Variants in TYW1B observed in about 807,000 individuals in gnomAD.
TYW1B encodes tRNA-yW synthesizing protein 1 homolog B, also known as S-adenosyl-L-methionine-dependent tRNA 4-demethylwyosine synthase TYW1B.
In TYW1B, 73 loss-of-function variants were observed where a neutral mutation model predicts 86.9. That is an observed-to-expected ratio of 0.84 (90% confidence interval 0.70 to 1.02). The LOEUF is 1.02. Among genes scored for constraint, TYW1B ranks in the 50% least tolerant of loss-of-function variants. TYW1B has a pLI of 0.00. For missense variants in TYW1B, 637 were observed against 827.4 expected (o/e 0.77, Z 2.82); for synonymous variants, 248 against 292.8 (o/e 0.85, Z 1.56).
At chr7:72,786,708 G>A (rs1175331920) in intron 6 of TYW1B, among the ~76,000 whole-genome samples, 14 of 151,492 alleles carry the variant, frequency 9.2e-5, no homozygotes, top group Non-Finnish European at 1.3e-4. Flanking sequence ...CCTAGCAGCT[G>A]GGATTATAGG....
At chr7:72,739,290 T>A (rs1490806984) in intron 8 of TYW1B, among the ~76,000 whole-genome samples, 5 of 152,076 alleles carry the variant, frequency 3.3e-5, no homozygotes, top group African/African-American at 1.2e-4. Context: ...AAAAAAACTC[T>A]ATAATAAGAA....
intron 3 of TYW1B, among the ~76,000 whole-genome samples, chr7:72,811,079 G>A (rs1489638011): frequency 5.3e-5 from 8 of 151,796 alleles, no homozygotes; most frequent in Non-Finnish European, 1.0e-4. Flanking sequence ...AGACCATCCT[G>A]GCTAACACGG....
chr7:72,797,065 C>T (rs1788317746), intron 6 of TYW1B, among the ~76,000 whole-genome samples: 1 of 152,106 alleles, frequency 6.6e-6, no homozygotes, highest in Non-Finnish European at 1.5e-5. Flanking sequence ...CCTCAGCCTC[C>T]CAAAGTGCTG....
At chr7:72,755,012 C>A (rs1327554255) in intron 7 of TYW1B, among the ~76,000 whole-genome samples, 3 of 152,026 alleles carry the variant, frequency 2.0e-5, no homozygotes, top group African/African-American at 7.2e-5. Context: ...TCTGATATTA[C>A]TGAAAATCAC....
chr7:72,585,237 T>C (rs1488514685), intron 13 of TYW1B, among the ~76,000 whole-genome samples: 2 of 152,194 alleles, frequency 1.3e-5, no homozygotes, highest in Admixed American at 1.3e-4. Flanking sequence ...TAAAAGTTGT[T>C]CCAGCTTTTG....
chr7:72,601,777 AAAAG>A lies in TYW1B; in HGVS notation c.1785+14891_1785+14894del, dbSNP rs1261625164. Among the ~76,000 whole-genome samples the A allele has an allele frequency of 5.3e-5, 8 of 152,072 alleles. 1 individual carries two copies. The highest frequency in any genetic ancestry group is 1.0e-4 in the Non-Finnish European group (7 of 68,006). On this transcript the variant is annotated intron_variant, in intron 13 of 13. Coordinates refer to ENST00000620995, the MANE Select transcript of TYW1B (RefSeq NM_001145440.3). ...AAAAAAAAAAAAGGTTAAAAAAAAAAAAAGAAAGAAGCCAGTTTGATAAAACTAC... is the reference window on the plus strand; with the variant it reads ...AAAAAAAAAAAAGGTTAAAAAAAAAAAAAGAAGCCAGTTTGATAAAACTAC...
At chr7:72,613,826 G>A (rs1463945954) in intron 13 of TYW1B, among the ~76,000 whole-genome samples, 11 of 152,070 alleles carry the variant, frequency 7.2e-5, no homozygotes, top group Non-Finnish European at 1.6e-4. Context: ...AATATGGATG[G>A]TAGATTAAAG....
intron 12 of TYW1B, among the ~76,000 whole-genome samples, chr7:72,624,209 A>T (rs367805829): frequency 1.3e-5 from 2 of 152,244 alleles, no homozygotes; most frequent in Admixed American, 1.3e-4. Context: ...CCTATTGAAC[A>T]GGAAAAGCAT....
chr7:72,694,288 G>A (rs1374174483), intron 11 of TYW1B, among the ~76,000 whole-genome samples: 1 of 152,138 alleles, frequency 6.6e-6, no homozygotes, highest in East Asian at 1.9e-4. Flanking sequence ...ATATAAACTT[G>A]AGCATCTGTG....
intron 13 of TYW1B, among the ~76,000 whole-genome samples, chr7:72,604,734 A>C (rs1352165894): frequency 2.6e-5 from 4 of 152,208 alleles, no homozygotes; most frequent in African/African-American, 9.7e-5. Flanking sequence ...CAAACAGCTG[A>C]CTGTACCACC....
chr7:72,800,197 C>G (rs1554475351), intron 6 of TYW1B, among the ~76,000 whole-genome samples: 1 of 151,308 alleles, frequency 6.6e-6, no homozygotes, highest in African/African-American at 2.4e-5. Flanking sequence ...AGATGTTTCA[C>G]ATCTTTTTTT....
chr7:72,810,091 G>A (rs190389391), intron 4 of TYW1B, among the ~76,000 whole-genome samples: 127 of 151,016 alleles, frequency 8.4e-4, no homozygotes, highest in African/African-American at 2.9e-3. Flanking sequence ...TAGCCTGGCT[G>A]GCATGGTGAA....
chr7:72,801,207 T>TA (rs1554475543), intron 6 of TYW1B, among the ~76,000 whole-genome samples: 1 of 152,098 alleles, frequency 6.6e-6, no homozygotes, highest in Non-Finnish European at 1.5e-5. Flanking sequence ...TGTGCACCTG[T>TA]AGTCCCGGCT....
intron 6 of TYW1B, among the ~76,000 whole-genome samples, chr7:72,788,530 GTTTGT>G (rs373868887): frequency 8.0e-4 from 121 of 151,864 alleles, no homozygotes; most frequent in African/African-American, 2.8e-3. Context: ...CCTTTGTTTT[GTTTGT>G]TTTGTTTTGT....
intron 9 of TYW1B, among the ~76,000 whole-genome samples, chr7:72,717,999 A>T (rs1299240976): frequency 1.3e-5 from 2 of 152,112 alleles, no homozygotes; most frequent in Non-Finnish European, 2.9e-5. Flanking sequence ...TCATTATATT[A>T]AAAAAAACCT....
intron 11 of TYW1B, among the ~76,000 whole-genome samples, chr7:72,659,275 C>T (rs1269450750): frequency 6.6e-6 from 1 of 152,110 alleles, no homozygotes; most frequent in African/African-American, 2.4e-5. Context: ...TTCCAAGGTG[C>T]CAGCAAAAAA....
chr7:72,776,556 C>CAAAAAAAAA lies in TYW1B; in HGVS notation c.964+851_964+859dup, dbSNP rs67553013. 2.2e-4 allele frequency among the ~76,000 whole-genome samples: 10 copies of CAAAAAAAAA among 45,234 alleles called. 3 individuals are homozygous for CAAAAAAAAA. Among genetic ancestry groups the CAAAAAAAAA allele is most frequent in the South Asian group, 1.3e-3 (1 of 780 alleles). 29.7% of individuals were successfully genotyped at this position (45,234 alleles called of 152,430 possible). On this transcript the variant is annotated intron_variant, in intron 7 of 13. Transcript: ENST00000620995. Reference sequence around the variant, plus strand: ...AGACTGGGTGAGAGAGACTCTGTCTCAAAAAAAAAAAAAAAAAAAAAAAGA... The same window carrying CAAAAAAAAA: ...AGACTGGGTGAGAGAGACTCTGTCTCAAAAAAAAAAAAAAAAAAAAAAAAAAAAAAAAGA...
intron 1 of TYW1B, among the ~76,000 whole-genome samples, chr7:72,827,461 G>A (rs1788955638): frequency 6.6e-6 from 1 of 152,178 alleles, no homozygotes; most frequent in Admixed American, 6.6e-5. Flanking sequence ...ATGTAGTAAC[G>A]TAATAAAATT....
intron 11 of TYW1B, among the ~76,000 whole-genome samples, chr7:72,685,812 A>G (rs1813995554): frequency 1.3e-5 from 2 of 152,222 alleles, no homozygotes; most frequent in African/African-American, 2.4e-5. Flanking sequence ...AGTAAGTATT[A>G]AACATTTTTG....
Sources: gnomAD v4.1 joint callset for allele counts (sites outside exome capture counted in the v4.1 genomes callset) on GRCh38, gnomAD v4.1.1 for gene constraint, MANE v1.5 for transcripts, NCBI Gene and HGNC (gene_info 2026-07-23, HGNC 2026-07-21) for gene names.